The following KCNMA1 variants were observed in gnomAD, a reference collection of about 807,000 sequenced individuals.
KCNMA1 encodes Calcium-activated potassium channel subunit alpha-1.
In KCNMA1, 29 loss-of-function variants were observed where a neutral mutation model predicts 140.0. The observed-to-expected ratio is 0.21, with a 90% CI of 0.15 to 0.28. The LOEUF (loss-of-function observed/expected upper bound fraction) is 0.28, where lower values mean the gene tolerates loss of function less well. Among genes scored for constraint, KCNMA1 ranks in the 10% least tolerant of loss-of-function variants. The pLI is 1.00. For missense variants in KCNMA1, 880 were observed against 1,602.2 expected, an observed-to-expected ratio of 0.55 and a Z score of 7.70; for synonymous variants, 612 against 611.9, an observed-to-expected ratio of 1.00 and a Z score of 0.00.
chr10:77,305,823 C>T lies in KCNMA1; in HGVS notation c.541-54567G>A, dbSNP rs570765007. Among the ~76,000 whole-genome samples, 210 of 152,188 alleles carry T rather than the reference C, an allele frequency of 1.4e-3. 1 individual carries two copies. Among genetic ancestry groups the T allele is most frequent in the African/African-American group, 4.4e-3 (183 of 41,522 alleles). On this transcript the variant is annotated intron_variant, in intron 2 of 27. Transcript: ENST00000286628. ...TGTCCCCAAGAGTCCTGAGGCTCTG[C>T]GCAAACAAAATTAATAGCCTGCAAA...
At chr10:77,252,529 G>GTGTGTA (rs1233208101) in intron 2 of KCNMA1, among the ~76,000 whole-genome samples, 11 of 149,108 alleles carry the variant, frequency 7.4e-5, no homozygotes, top group Admixed American at 1.3e-4. Flanking sequence ...CAAGCTTTGT[G>GTGTGTA]TGTGTGTGTG....
At chr10:77,219,853 T>C (rs2049009620) in intron 3 of KCNMA1, among the ~76,000 whole-genome samples, 1 of 152,220 alleles carries the variant, frequency 6.6e-6, no homozygotes. Context: ...TTCTCATCAC[T>C]AACATGGTAA....
chr10:77,482,011 C>T (rs546416894), intron 1 of KCNMA1, among the ~76,000 whole-genome samples: 45 of 152,340 alleles, frequency 3.0e-4, no homozygotes, highest in African/African-American at 1.1e-3. Context: ...AAGTGCCTAC[C>T]CTGCATTGCC....
intron 9 of KCNMA1, among the ~76,000 whole-genome samples, chr10:77,103,343 G>C (rs752456343): frequency 4.6e-5 from 7 of 152,176 alleles, no homozygotes; most frequent in Admixed American, 1.3e-4. Context: ...AATATTCCAA[G>C]TCAAAGCTAT....
chr10:77,518,685 T>C (rs1248799158), intron 1 of KCNMA1, among the ~76,000 whole-genome samples: 4 of 152,200 alleles, frequency 2.6e-5, no homozygotes, highest in Non-Finnish European at 5.9e-5. Context: ...AGCATCCGTT[T>C]CTTCATGACT....
intron 5 of KCNMA1, among the ~76,000 whole-genome samples, chr10:77,131,207 C>T (rs906846320): frequency 2.0e-5 from 3 of 152,192 alleles, no homozygotes; most frequent in East Asian, 3.9e-4. Context: ...GACCAGTTAC[C>T]GAATAGAAAC....
At chr10:76,988,333 G>C (rs2081846218) in intron 19 of KCNMA1, among the ~76,000 whole-genome samples, 1 of 152,120 alleles carries the variant, frequency 6.6e-6, no homozygotes, top group African/African-American at 2.4e-5. Flanking sequence ...AGCAAGGTAG[G>C]AAAGGTGATG....
chr10:77,062,877 G>A (rs1048483158), intron 14 of KCNMA1, among the ~76,000 whole-genome samples: 1 of 152,160 alleles, frequency 6.6e-6, no homozygotes, highest in Admixed American at 6.5e-5. Context: ...TGGGGAAAGC[G>A]CTGAGCTGAG....
chr10:77,082,597 G>A (rs1381896570), intron 12 of KCNMA1, among the ~76,000 whole-genome samples: 1 of 151,622 alleles, frequency 6.6e-6, no homozygotes, highest in Non-Finnish European at 1.5e-5. Context: ...CATTTCCAAT[G>A]ACAGAAAAAG....
chr10:77,516,207 C>T (rs188658319), intron 1 of KCNMA1, among the ~76,000 whole-genome samples: 5 of 152,170 alleles, frequency 3.3e-5, no homozygotes, highest in African/African-American at 1.2e-4. Context: ...TACTCCGCCC[C>T]GCCACAGCCA....
chr10:77,097,677 A>T (rs980879670), intron 9 of KCNMA1, among the ~76,000 whole-genome samples: 1 of 152,192 alleles, frequency 6.6e-6, no homozygotes, highest in African/African-American at 2.4e-5. Context: ...CCAAACCCTG[A>T]CTATCACCAT....
At chr10:76,974,204 A>G (rs1298345455) in intron 19 of KCNMA1, 1 of 371,654 alleles carries the variant, frequency 2.7e-6, no homozygotes, top group Non-Finnish European at 4.9e-6. Flanking sequence ...CACTCAGAAT[A>G]AGAGTCATGC....
At chr10:77,445,618 G>A (rs1291856167) in intron 1 of KCNMA1, among the ~76,000 whole-genome samples, 1 of 152,070 alleles carries the variant, frequency 6.6e-6, no homozygotes, top group Non-Finnish European at 1.5e-5. Context: ...TGGGAGAAAG[G>A]GAGGAAGGGA....
intron 2 of KCNMA1, among the ~76,000 whole-genome samples, chr10:77,318,943 C>G (rs2081590970): frequency 6.6e-6 from 1 of 152,190 alleles, no homozygotes; most frequent in Non-Finnish European, 1.5e-5. Context: ...CGCTGCAAGC[C>G]TTGGCACACA....
chr10:77,562,268 C>A (rs191711965), intron 1 of KCNMA1, among the ~76,000 whole-genome samples: 48 of 152,324 alleles, frequency 3.2e-4, no homozygotes, highest in Middle Eastern at 3.4e-3. Context: ...AGGGACCATA[C>A]AAGCTTCATG....
intron 2 of KCNMA1, among the ~76,000 whole-genome samples, chr10:77,262,370 G>A (rs1164221227): frequency 6.6e-6 from 1 of 152,196 alleles, no homozygotes; most frequent in Non-Finnish European, 1.5e-5. Flanking sequence ...CACATTCATT[G>A]AGACAGGAAG....
intron 1 of KCNMA1, among the ~76,000 whole-genome samples, chr10:77,460,872 G>C (rs369765075): frequency 1.3e-5 from 2 of 152,150 alleles, no homozygotes; most frequent in East Asian, 3.9e-4. Context: ...CTGGGAGGCC[G>C]AGGTGGGCGG....
At chr10:77,545,060 A>G (rs2061108364) in intron 1 of KCNMA1, among the ~76,000 whole-genome samples, 1 of 152,210 alleles carries the variant, frequency 6.6e-6, no homozygotes, top group Non-Finnish European at 1.5e-5. Context: ...GAAGTCACTG[A>G]ATGATTAGTT....
intron 1 of KCNMA1, among the ~76,000 whole-genome samples, chr10:77,467,272 G>A (rs1442785998): frequency 1.3e-5 from 2 of 152,234 alleles, no homozygotes; most frequent in Non-Finnish European, 2.9e-5. Flanking sequence ...CTGCCACACT[G>A]TTGGCAGGAC....
Sources: allele counts gnomAD v4.1 joint callset (sites outside exome capture counted in the v4.1 genomes callset), GRCh38; gene constraint gnomAD v4.1.1; transcripts MANE v1.5; gene names NCBI Gene and HGNC (gene_info 2026-07-23, HGNC 2026-07-21).